The following CFAP61 variants were observed in gnomAD, a reference collection of about 807,000 sequenced individuals.
CFAP61 encodes the protein cilia- and flagella-associated protein 61.
Under a neutral mutation model 135.6 loss-of-function variants are expected in CFAP61, and 107 were observed. That is an observed-to-expected ratio of 0.79 (90% CI 0.67 to 0.93). The LOEUF (loss-of-function observed/expected upper bound fraction) is 0.93, where lower values mean the gene tolerates loss of function less well. Ranked by LOEUF, CFAP61 falls within the 40% of genes least tolerant of loss-of-function variation. The pLI is 0.00. For synonymous variants in CFAP61, 575 were observed against 578.5 expected (o/e 0.99, Z 0.09); for missense variants, 1,507 against 1,556.2 (o/e 0.97, Z 0.53).
rs959675137 is a variant in CFAP61 at position 20,163,449 on chromosome 20, T to G, written c.1027-601T>G. Among the ~76,000 whole-genome samples the G allele has an allele frequency of 4.6e-5, 7 of 152,298 alleles. No individual in the cohort carries two copies. The East Asian group carries it at 1.3e-3, about 29-fold the overall frequency. On this transcript the variant is annotated intron_variant, in intron 10 of 26. Coordinates refer to ENST00000245957, the MANE Select transcript of CFAP61 (RefSeq NM_015585.4). ...AGCTTTGGGGACAGAGGGATTTTGC[T>G]TCTGGAGTTATTATAATATGTATAT...
At chr20:20,094,872 A>G (rs2047451808) in intron 7 of CFAP61, 1 of 152,200 alleles carries the variant, frequency 6.6e-6, no homozygotes, top group Admixed American at 6.5e-5. Context: ...TTCAAGATCA[A>G]TGCTGTTGCT....
chr20:20,206,109 G>A (rs1483045549), intron 17 of CFAP61, among the ~76,000 whole-genome samples: 2 of 152,180 alleles, frequency 1.3e-5, no homozygotes, highest in East Asian at 1.9e-4. Flanking sequence ...AGGCTGTAAG[G>A]ATATGATAGA....
At chr20:20,252,536 T>C (rs112796427) in intron 20 of CFAP61, among the ~76,000 whole-genome samples, 42 of 150,476 alleles carry the variant, frequency 2.8e-4, no homozygotes, top group African/African-American at 1.0e-3. Flanking sequence ...TCTTAAAACA[T>C]TATGACTTTT....
At chr20:20,306,242 C>A (rs1320488537) in intron 25 of CFAP61, among the ~76,000 whole-genome samples, 2 of 152,188 alleles carry the variant, frequency 1.3e-5, no homozygotes, top group Non-Finnish European at 2.9e-5. Context: ...AAAACAGACT[C>A]ACCCATTTGC....
chr20:20,120,336 C>A (rs2049513738), intron 8 of CFAP61, among the ~76,000 whole-genome samples: 1 of 152,020 alleles, frequency 6.6e-6, no homozygotes, highest in African/African-American at 2.4e-5. Context: ...TGTTGTATTT[C>A]CATTTTCATT....
At chr20:20,209,001 C>A (rs1320937660) in intron 17 of CFAP61, among the ~76,000 whole-genome samples, 1 of 151,974 alleles carries the variant, frequency 6.6e-6, no homozygotes, top group Non-Finnish European at 1.5e-5. Flanking sequence ...TCAAAAAAGC[C>A]CCTTCTGCAT....
rs1569264294 is a variant in CFAP61 at position 20,298,207 on chromosome 20, G to GA, written c.3248dup (p.Asn1083LysfsTer10). ...GTTTAGAACTAGTAACCGGCAGTGC[G>GA]AAAAATGGGACTTACTTCCGAATTC... On this transcript the variant is annotated frameshift_variant, in exon 25 of 27. Coordinates refer to ENST00000245957, the MANE Select transcript of CFAP61 (RefSeq NM_015585.4). LOFTEE classifies it high-confidence loss of function. 1 of 1,613,942 alleles carries GA rather than the reference G, an allele frequency of 6.2e-7. No homozygotes were observed. The highest frequency in any genetic ancestry group is 1.1e-5 in the South Asian group (1 of 91,072).
intron 23 of CFAP61, among the ~76,000 whole-genome samples, chr20:20,289,374 C>T (rs1439091336): frequency 2.0e-5 from 3 of 152,152 alleles, no homozygotes; most frequent in African/African-American, 7.2e-5. Context: ...CCATTTGCAG[C>T]TGTAAAGCAG....
intron 25 of CFAP61, among the ~76,000 whole-genome samples, chr20:20,337,834 G>T (rs2058297519): frequency 6.6e-6 from 1 of 152,176 alleles, no homozygotes. Context: ...CCAGATGCCT[G>T]CTGTGACCAA....
intron 8 of CFAP61, among the ~76,000 whole-genome samples, chr20:20,117,011 ATT>A (rs2049193436): frequency 6.6e-6 from 1 of 152,148 alleles, no homozygotes; most frequent in African/African-American, 2.4e-5. Context: ...AGCACCATTT[ATT>A]GATGAGACTT....
At chr20:20,216,586 G>C (rs2048052182) in intron 17 of CFAP61, among the ~76,000 whole-genome samples, 1 of 152,200 alleles carries the variant, frequency 6.6e-6, no homozygotes, top group African/African-American at 2.4e-5. Context: ...GAAGCCTTTT[G>C]TGCTGATTAA....
Position 20,128,336 on chromosome 20 carries a change from A to G in CFAP61, c.860-14521A>G, listed in dbSNP as rs576835978. Among the ~76,000 whole-genome samples, 4 of 151,828 alleles carry G rather than the reference A, an allele frequency of 2.6e-5. No individual in the cohort carries two copies. In the East Asian group the frequency reaches 7.7e-4, roughly 29 times the overall value. ...CCAGGCAGGAATGGCCTGCCTGGGAACCCAGCGAGTTCCCAGGGCCTTTCC... is the reference window on the plus strand; with the variant it reads ...CCAGGCAGGAATGGCCTGCCTGGGAGCCCAGCGAGTTCCCAGGGCCTTTCC... On this transcript the variant is annotated intron_variant, in intron 8 of 26. Transcript: ENST00000245957.
chr20:20,194,953 T>A (rs995737695), intron 15 of CFAP61, among the ~76,000 whole-genome samples: 3 of 152,218 alleles, frequency 2.0e-5, no homozygotes, highest in Admixed American at 6.5e-5. Flanking sequence ...CATCTGCTGT[T>A]TTGAGCTAAT....
intron 1 of CFAP61, among the ~76,000 whole-genome samples, chr20:20,054,034 T>TTC: frequency 6.7e-6 from 1 of 148,326 alleles, no homozygotes; most frequent in Non-Finnish European, 1.5e-5. Flanking sequence ...TTTTTTTTTT[T>TTC]AGGAAAAATG....
At chr20:20,272,061 T>G (rs1406543931) in intron 21 of CFAP61, among the ~76,000 whole-genome samples, 3 of 152,244 alleles carry the variant, frequency 2.0e-5, no homozygotes. Flanking sequence ...AATTCATCTT[T>G]AATATGGACA....
chr20:20,262,940 C>T lies in CFAP61; in HGVS notation c.2329-16C>T. ...TCTATTATCACTGAAATAAGCATTT[C>T]TCTAACATGCTTCAGGTCCCATGCC... is the stretch of plus-strand genomic sequence containing the variant. On this transcript the variant is annotated splice_polypyrimidine_tract_variant and intron_variant, in intron 20 of 26. Coordinates refer to ENST00000245957, the MANE Select transcript of CFAP61 (RefSeq NM_015585.4). The T allele has an allele frequency of 6.4e-7, 1 of 1,558,074 alleles. No individual in the cohort carries two copies. The highest frequency in any genetic ancestry group is 1.2e-5 in the South Asian group (1 of 83,428).
chr20:20,090,902 G>A lies in CFAP61; in HGVS notation c.625G>A (p.Glu209Lys), dbSNP rs150032690. 403 of 1,614,010 alleles carry A rather than the reference G, an allele frequency of 2.5e-4. No homozygotes were observed. Among genetic ancestry groups the A allele is most frequent in the Non-Finnish European group, 3.3e-4 (389 of 1,180,010 alleles). The part of the protein sequence containing the change: ...IFMRYDTILK[E>K]TYGEYFLAEL... The stretch of plus-strand genomic sequence containing the variant: ...TATGCGCTATGACACAATTCTGAAG[G>A]AAACTTACGGTGAATACTTCCTGGC... The change falls in exon 7 of 27, where the codon GAA (glutamate) becomes AAA (lysine). Residue 209 changes from glutamate (E) to lysine (K), a missense_variant. Glu to Lys is a moderately conservative substitution (Grantham distance 56, BLOSUM62 1). Coordinates refer to ENST00000245957, the MANE Select transcript of CFAP61 (RefSeq NM_015585.4).
At chr20:20,098,052 A>G (rs2047713477) in intron 7 of CFAP61, among the ~76,000 whole-genome samples, 1 of 152,172 alleles carries the variant, frequency 6.6e-6, no homozygotes, top group Non-Finnish European at 1.5e-5. Context: ...GATATGGAGC[A>G]GGCAGGAGCA....
chr20:20,194,189 T>C (rs2056124943), intron 15 of CFAP61, among the ~76,000 whole-genome samples: 1 of 152,224 alleles, frequency 6.6e-6, no homozygotes, highest in Non-Finnish European at 1.5e-5. Context: ...CTTTTTTAGA[T>C]GGATATTAGA....
Sources: allele counts gnomAD v4.1 joint callset (sites outside exome capture counted in the v4.1 genomes callset), GRCh38; gene constraint gnomAD v4.1.1; transcripts MANE v1.5; gene names NCBI Gene and HGNC (gene_info 2026-07-23, HGNC 2026-07-21).